DIAPH2: variants seen among roughly 807,000 people sequenced by gnomAD.
The protein encoded by DIAPH2 is protein diaphanous homolog 2.
Under a neutral mutation model 92.7 loss-of-function variants are expected in DIAPH2, and 35 were observed. The observed-to-expected ratio is 0.38, with a 90% CI of 0.29 to 0.50. The LOEUF is 0.50. DIAPH2 is among the 20% of genes least tolerant of loss of function. DIAPH2 has a pLI of 0.94. For synonymous variants in DIAPH2, 301 were observed against 280.4 expected, an observed-to-expected ratio of 1.07 and a Z score of -0.73; for missense variants, 701 against 819.5, an observed-to-expected ratio of 0.86 and a Z score of 1.77.
intron 26 of DIAPH2, among the ~76,000 whole-genome samples, chrX:97,530,435 A>G (rs2071052050): frequency 8.9e-6 from 1 of 111,946 alleles, no homozygotes; most frequent in Non-Finnish European, 1.9e-5. Context: ...GGTATGAACT[A>G]AATATAGACT....
intron 4 of DIAPH2, among the ~76,000 whole-genome samples, chrX:96,810,189 G>A (rs914003738): frequency 2.1e-4 from 23 of 112,076 alleles, no homozygotes; most frequent in African/African-American, 6.8e-4. Flanking sequence ...GTTGTTTCCT[G>A]ACTTTTTAAT....
intron 23 of DIAPH2, among the ~76,000 whole-genome samples, chrX:97,337,084 T>A (rs749186734): frequency 9.0e-6 from 1 of 110,804 alleles, no homozygotes; most frequent in African/African-American, 3.3e-5. Context: ...ACTATCTTTG[T>A]TATATTATTT....
At chrX:97,384,560 A>G (rs1047375939) in intron 25 of DIAPH2, among the ~76,000 whole-genome samples, 7 of 111,877 alleles carry the variant, frequency 6.3e-5, no homozygotes, top group Admixed American at 1.9e-4. Flanking sequence ...TGGCATGTCC[A>G]TATAGTTTAA....
chrX:97,092,160 A>G (rs1381694457), intron 19 of DIAPH2, among the ~76,000 whole-genome samples: 2 of 110,853 alleles, frequency 1.8e-5, no homozygotes, highest in African/African-American at 6.6e-5. Context: ...CTTTCTTTTT[A>G]TTTTTTTTCC....
intron 15 of DIAPH2, among the ~76,000 whole-genome samples, chrX:96,952,879 T>G (rs1377520080): frequency 9.0e-6 from 1 of 110,580 alleles, no homozygotes; most frequent in Non-Finnish European, 1.9e-5. Flanking sequence ...TACCAGCAAT[T>G]TAGGAGACCA....
intron 25 of DIAPH2, among the ~76,000 whole-genome samples, chrX:97,387,323 T>G (rs2069612568): frequency 9.0e-6 from 1 of 111,628 alleles, no homozygotes; most frequent in Non-Finnish European, 1.9e-5. Flanking sequence ...TTAGTCAGAG[T>G]TCTTTTGAGA....
chrX:97,146,428 A>G (rs1440523754), intron 22 of DIAPH2, among the ~76,000 whole-genome samples: 1 of 110,807 alleles, frequency 9.0e-6, no homozygotes, highest in Non-Finnish European at 1.9e-5. Flanking sequence ...GAACAACTTG[A>G]TTACTACCAA....
chrX:97,587,803 G>A (rs2071488911), intron 26 of DIAPH2, among the ~76,000 whole-genome samples: 1 of 111,661 alleles, frequency 9.0e-6, no homozygotes, highest in African/African-American at 3.3e-5. Context: ...TCTCTGTATC[G>A]GGTGCCATTC....
chrX:97,539,105 A>C (rs2071119841), intron 26 of DIAPH2, among the ~76,000 whole-genome samples: 1 of 112,068 alleles, frequency 8.9e-6, no homozygotes, highest in East Asian at 2.8e-4. Context: ...TTGTAACCCG[A>C]TCAAAAGAAT....
chrX:96,758,080 A>T, intron 3 of DIAPH2, 74 bp from the exon 4 acceptor site: 1 of 836,963 alleles, frequency 1.2e-6, no homozygotes, highest in Non-Finnish European at 1.6e-6. Flanking sequence ...AGAAATTATT[A>T]ATGTTTACTA....
At chrX:97,054,629 C>G (rs927908872) in intron 17 of DIAPH2, among the ~76,000 whole-genome samples, 1 of 111,615 alleles carries the variant, frequency 9.0e-6, no homozygotes, top group Non-Finnish European at 1.9e-5. Flanking sequence ...GGTATACAGC[C>G]TTGGGATGTC....
intron 23 of DIAPH2, among the ~76,000 whole-genome samples, chrX:97,277,236 G>A (rs1018335458): frequency 9.0e-6 from 1 of 111,666 alleles, no homozygotes; most frequent in African/African-American, 3.3e-5. Flanking sequence ...TACTTGGGAG[G>A]CTGAGGCAGG....
intron 4 of DIAPH2, among the ~76,000 whole-genome samples, chrX:96,772,912 A>G (rs1440867552): frequency 8.9e-6 from 1 of 112,463 alleles, no homozygotes; most frequent in African/African-American, 3.2e-5. Context: ...CTGGTAAATC[A>G]TTTATTTTTA....
At chrX:96,924,648 GA>G (rs1371406069) in intron 9 of DIAPH2, among the ~76,000 whole-genome samples, 1 of 111,386 alleles carries the variant, frequency 9.0e-6, no homozygotes, top group Non-Finnish European at 1.9e-5. Context: ...AATTTATAAA[GA>G]AAAGAGGTTT....
At chrX:97,195,335 A>G (rs1036162881) in intron 22 of DIAPH2, among the ~76,000 whole-genome samples, 1 of 111,586 alleles carries the variant, frequency 9.0e-6, no homozygotes, top group East Asian at 2.8e-4. Flanking sequence ...GCCATTGACT[A>G]GTCTCACTGG....
intron 4 of DIAPH2, among the ~76,000 whole-genome samples, chrX:96,775,353 T>TTGTGTGTGTGTGTGTGTGTGTGTGTG (rs60441028): frequency 1.1e-5 from 1 of 89,364 alleles, no homozygotes; most frequent in Non-Finnish European, 2.2e-5. Context: ...CAACGTGTGC[T>TTGTGTGTGTGTGTGTGTGTGTGTGTG]TGTGTGTGTG....
chrX:97,174,743 A>C (rs1009360654), intron 22 of DIAPH2, among the ~76,000 whole-genome samples: 23 of 111,921 alleles, frequency 2.1e-4, no homozygotes, highest in Admixed American at 1.9e-3. Flanking sequence ...CTGCATATAC[A>C]TTATTCCATT....
chrX:97,517,481 T>C (rs927495805), intron 26 of DIAPH2, among the ~76,000 whole-genome samples: 18 of 112,023 alleles, frequency 1.6e-4, no homozygotes, highest in Admixed American at 1.2e-3. Flanking sequence ...TGACAGAACC[T>C]AAAGGGAGGG....
rs142733967 is a variant in DIAPH2, at chrX:97,351,338, G to A, written c.3009+3058G>A. Among the ~76,000 whole-genome samples, 927 of 112,223 alleles carry A rather than the reference G, an allele frequency of 8.3e-3. 7 individuals carry two copies. The highest frequency in any genetic ancestry group is 0.029 in the African/African-American group (882 of 30,907). On this transcript the variant is annotated intron_variant, in intron 24 of 26. Coordinates refer to ENST00000324765, the MANE Select transcript of DIAPH2 (RefSeq NM_006729.5). ...ACTACTGAAAACCAACTTGATTTTG[G>A]TAATGCTCTGGGTCACAGATAAAAG...
Sources: allele counts gnomAD v4.1 joint callset (sites outside exome capture counted in the v4.1 genomes callset), GRCh38; gene constraint gnomAD v4.1.1; transcripts MANE v1.5; gene names NCBI Gene and HGNC (gene_info 2026-07-23, HGNC 2026-07-21).